TATDN1: variants seen among roughly 807,000 people sequenced by gnomAD.
The protein encoded by TATDN1 is deoxyribonuclease TATDN1.
Under a neutral mutation model 46.4 loss-of-function variants are expected in TATDN1, and 40 were observed. That is an observed-to-expected ratio of 0.86 (90% CI 0.67 to 1.12). The LOEUF is 1.12. TATDN1 is among the 50% of genes most tolerant of loss of function. The pLI is 0.00. For missense variants in TATDN1, 326 were observed against 348.4 expected, an observed-to-expected ratio of 0.94 and a Z score of 0.51; for synonymous variants, 95 against 105.6, an observed-to-expected ratio of 0.90 and a Z score of 0.62.
intron 11 of TATDN1, chr8:124,489,833 T>G (rs1478237511): frequency 6.6e-6 from 1 of 152,238 alleles, no homozygotes; most frequent in Non-Finnish European, 1.5e-5. Context: ...AATTGAACAT[T>G]TAAATATTCT....
intron 9 of TATDN1, chr8:124,503,930 AC>A: frequency 7.7e-7 from 1 of 1,302,728 alleles, no homozygotes; most frequent in Non-Finnish European, 1.0e-6. Context: ...GTCAGATATG[AC>A]GTGTATATGT....
chr8:124,524,355 T>C (rs887936160), intron 1 of TATDN1, among the ~76,000 whole-genome samples: 1 of 152,212 alleles, frequency 6.6e-6, no homozygotes, highest in African/African-American at 2.4e-5. Context: ...ATAAACATCA[T>C]CTAATACTAT....
At position 124,516,037 on chromosome 8, in the gene TATDN1, G is replaced by T; in HGVS notation, c.203-7C>A. Reference sequence around the variant, plus strand: ...ACTGTACTGAAAAACATACCTAACAGAAAATAATGTCTTAGGATTATTTTC... The same window carrying T: ...ACTGTACTGAAAAACATACCTAACATAAAATAATGTCTTAGGATTATTTTC... On this transcript the variant is annotated splice_polypyrimidine_tract_variant and splice_region_variant and intron_variant, in intron 4 of 11. Transcript: ENST00000276692. 6.3e-7 allele frequency: 1 copy of T among 1,591,274 alleles called. No individual in the cohort carries two copies. The highest frequency in any genetic ancestry group is 8.5e-7 in the Non-Finnish European group (1 of 1,171,104).
intron 1 of TATDN1, among the ~76,000 whole-genome samples, chr8:124,532,280 G>A (rs1821034738): frequency 6.6e-6 from 1 of 152,166 alleles, no homozygotes; most frequent in African/African-American, 2.4e-5. Context: ...AAACAAAACA[G>A]TCTTTGTTTT....
chr8:124,514,945 T>C lies in TATDN1; in HGVS notation c.389+801A>G, dbSNP rs1224069290. 2.0e-5 allele frequency among the ~76,000 whole-genome samples: 3 copies of C among 152,206 alleles called. No individual in the cohort carries two copies. The East Asian group carries it at 5.8e-4, about 29-fold the overall frequency. ...TTGGTGATTGATCCTATAATACTTTTGTGGGTTTTTTCTTGCTGGTTTTTT... is the reference window on the plus strand; with the variant it reads ...TTGGTGATTGATCCTATAATACTTTCGTGGGTTTTTTCTTGCTGGTTTTTT... On this transcript the variant is annotated intron_variant, in intron 6 of 11. Coordinates refer to ENST00000276692, the MANE Select transcript of TATDN1 (RefSeq NM_032026.4).
In TATDN1 at chr8:124,515,767, C is replaced by G; in HGVS notation, c.368G>C (p.Cys123Ser). 6.2e-7 allele frequency: 1 copy of G among 1,613,716 alleles called. No homozygotes were observed. The highest frequency in any genetic ancestry group is 2.2e-5 in the East Asian group (1 of 44,844). Residue 123 changes from cysteine (C) to serine (S), a missense_variant, in exon 6 of 12, where the codon TGT (cysteine) becomes TCT (serine). Coordinates refer to ENST00000276692, the MANE Select transcript of TATDN1 (RefSeq NM_032026.4). The part of the protein sequence containing the change: ...CGLDFDRLQF[C>S]PKDTQLKYFE... The stretch of plus-strand genomic sequence containing the variant: ...TTACTTGAGTTGAGTATCTTTGGGA[C>G]AAAACTGCAGTCGGTCAAAATCTTT...
intron 9 of TATDN1, among the ~76,000 whole-genome samples, chr8:124,500,681 C>CA (rs753888537): frequency 0.02 from 1,976 of 99,346 alleles, 25 homozygotes; most frequent in East Asian, 0.039. Flanking sequence ...GACCCTGTCT[C>CA]AAAAAAAAAA....
intron 6 of TATDN1, among the ~76,000 whole-genome samples, chr8:124,509,339 A>G (rs1417101200): frequency 1.3e-5 from 2 of 152,230 alleles, no homozygotes; most frequent in Non-Finnish European, 2.9e-5. Context: ...GGCATGGCCA[A>G]CTTGGAACAG....
At chr8:124,516,693 T>C (rs1290813722) in intron 4 of TATDN1, among the ~76,000 whole-genome samples, 1 of 151,502 alleles carries the variant, frequency 6.6e-6, no homozygotes, top group Non-Finnish European at 1.5e-5. Context: ...CCTCCATTAT[T>C]GATTCATGTA....
At chr8:124,504,077 C>CT (rs751925547) in intron 9 of TATDN1, 194 bp downstream of exon 9, 183 of 758,476 alleles carry the variant, frequency 2.4e-4, no homozygotes, top group Middle Eastern at 1.8e-3. Flanking sequence ...TAGTCTATAA[C>CT]TTTCGAGCTT....
intron 1 of TATDN1, chr8:124,538,800 C>G (rs936093545): frequency 1.7e-6 from 1 of 604,050 alleles, no homozygotes; most frequent in African/African-American, 1.9e-5. Context: ...CATAACTGTA[C>G]GGCTTGTTAA....
intron 1 of TATDN1, among the ~76,000 whole-genome samples, chr8:124,530,272 A>T (rs985505475): frequency 6.6e-6 from 1 of 152,260 alleles, no homozygotes; most frequent in Admixed American, 6.5e-5. Context: ...AAGTGGTGAC[A>T]TTAGGGACAT....
At chr8:124,488,855 T>TA in intron 11 of TATDN1, 159 bp from the exon 12 acceptor site, 2 of 597,034 alleles carry the variant, frequency 3.3e-6, no homozygotes, top group East Asian at 3.1e-5. Flanking sequence ...TAGAAAAACT[T>TA]ACTGCCAGTA....
At chr8:124,533,605 A>G (rs1313955562) in intron 1 of TATDN1, among the ~76,000 whole-genome samples, 1 of 152,150 alleles carries the variant, frequency 6.6e-6, no homozygotes, top group Non-Finnish European at 1.5e-5. Flanking sequence ...CAAGTCTTCC[A>G]ATCTTTGTTT....
intron 8 of TATDN1, among the ~76,000 whole-genome samples, chr8:124,507,429 G>A (rs1818565924): frequency 6.6e-6 from 1 of 152,092 alleles, no homozygotes; most frequent in African/African-American, 2.4e-5. Context: ...TTGGATGGAA[G>A]AACATTAAAG....
intron 1 of TATDN1, among the ~76,000 whole-genome samples, chr8:124,535,105 T>G (rs958218421): frequency 6.6e-6 from 1 of 152,132 alleles, no homozygotes; most frequent in African/African-American, 2.4e-5. Context: ...GACTGAAACT[T>G]CCAACTCTCT....
At chr8:124,517,425 C>CAA (rs540696612) in intron 4 of TATDN1, among the ~76,000 whole-genome samples, 11,652 of 66,956 alleles carry the variant, frequency 0.17, 645 homozygotes, top group Non-Finnish European at 0.24. Context: ...AAGACTGTCT[C>CAA]AAAAAAAAAA....
intron 1 of TATDN1, chr8:124,538,324 G>C (rs1821666301): frequency 6.6e-6 from 1 of 152,516 alleles, no homozygotes; most frequent in African/African-American, 2.4e-5. Flanking sequence ...ATAGCTATCA[G>C]GATTACCTTG....
At chr8:124,513,140 T>C (rs1361110443) in intron 6 of TATDN1, among the ~76,000 whole-genome samples, 1 of 152,192 alleles carries the variant, frequency 6.6e-6, no homozygotes, top group Non-Finnish European at 1.5e-5. Flanking sequence ...CTTGAACTCC[T>C]GATCTCAGGT....
Sources: gnomAD v4.1 joint callset for allele counts (sites outside exome capture counted in the v4.1 genomes callset) on GRCh38, gnomAD v4.1.1 for gene constraint, MANE v1.5 for transcripts, NCBI Gene and HGNC (gene_info 2026-07-23, HGNC 2026-07-21) for gene names.